Variants in DAB1 observed in about 807,000 individuals in gnomAD.
DAB1 encodes DAB adaptor protein 1, also known as disabled homolog 1.
In DAB1, 15 loss-of-function variants were observed where a neutral mutation model predicts 64.6. The observed-to-expected ratio is 0.23, with a 90% CI of 0.16 to 0.36. The LOEUF (loss-of-function observed/expected upper bound fraction) is 0.36. Among genes scored for constraint, DAB1 ranks in the 10% least tolerant of loss-of-function variants. The pLI, the probability that DAB1 is intolerant of heterozygous loss-of-function variation, is 1.00. For missense variants in DAB1, 596 were observed against 706.7 expected, an observed-to-expected ratio of 0.84 and a Z score of 1.78; for synonymous variants, 235 against 251.9, an observed-to-expected ratio of 0.93 and a Z score of 0.64.
chr1:57,579,962 A>G (rs970246183), intron 7 of DAB1, among the ~76,000 whole-genome samples: 1 of 152,100 alleles, frequency 6.6e-6, no homozygotes. Flanking sequence ...TCACAGAGAG[A>G]GTGAGAGGGG....
In DAB1 at chr1:57,519,036, G is replaced by A. The variant is rs76614753; in HGVS notation, n.625+130556C>T. Among the ~76,000 whole-genome samples the A allele has an allele frequency of 9.3e-3, 1,408 of 151,844 alleles. 10 individuals carry two copies. The highest frequency in any genetic ancestry group is 0.014 in the Non-Finnish European group (943 of 67,990). ...AGCCTTGATTTTCCACTATTTCTTC[G>A]GCGCATAGAAAAGAGCCTGCCTGTT... On this transcript the variant is annotated intron_variant and non_coding_transcript_variant, in intron 7 of 20. Coordinates refer to the DAB1 transcript ENST00000485760.
intron 1 of DAB1, among the ~76,000 whole-genome samples, chr1:57,354,389 G>A (rs1570353068): frequency 1.3e-5 from 2 of 152,096 alleles, no homozygotes; most frequent in Non-Finnish European, 2.9e-5. Context: ...TATGTGGGTT[G>A]ACTTTTCTTT....
chr1:58,064,722 T>A (rs1463855476), intron 5 of DAB1, among the ~76,000 whole-genome samples: 1 of 132,728 alleles, frequency 7.5e-6, no homozygotes, highest in Non-Finnish European at 1.6e-5. Flanking sequence ...TTTATGTATT[T>A]ATTTATTTAT....
chr1:58,033,033 C>A (rs1349558066), intron 5 of DAB1, among the ~76,000 whole-genome samples: 1 of 152,140 alleles, frequency 6.6e-6, no homozygotes, highest in East Asian at 1.9e-4. Flanking sequence ...GTGCCTGGTG[C>A]CTTTGTGTTG....
At chr1:57,565,725 C>T (rs2101519599) in intron 7 of DAB1, among the ~76,000 whole-genome samples, 1 of 152,312 alleles carries the variant, frequency 6.6e-6, no homozygotes, top group East Asian at 1.9e-4. Context: ...GAAGAGCGAA[C>T]TATCCTAAAT....
At chr1:57,492,728 ACT>A (rs1452095159) in intron 7 of DAB1, among the ~76,000 whole-genome samples, 1 of 152,064 alleles carries the variant, frequency 6.6e-6, no homozygotes, top group Non-Finnish European at 1.5e-5. Flanking sequence ...AGTCGCTTTA[ACT>A]CTCTGAGAGG....
At chr1:58,313,191 C>G (rs1198748719) in intron 4 of DAB1, among the ~76,000 whole-genome samples, 1 of 151,980 alleles carries the variant, frequency 6.6e-6, no homozygotes, top group Non-Finnish European at 1.5e-5. Context: ...GGACATAAGC[C>G]CTGGAGCTTC....
intron 4 of DAB1, among the ~76,000 whole-genome samples, chr1:57,134,862 A>C (rs959137101): frequency 6.6e-6 from 1 of 152,174 alleles, no homozygotes; most frequent in Non-Finnish European, 1.5e-5. Flanking sequence ...TAAAATGAGA[A>C]TAATAGTACC....
intron 5 of DAB1, among the ~76,000 whole-genome samples, chr1:57,984,194 A>AAGAG (rs1201169133): frequency 1.2e-5 from 1 of 80,690 alleles, no homozygotes; most frequent in Non-Finnish European, 3.0e-5. Flanking sequence ...AAAAGAAAGA[A>AAGAG]AGAAAGAAAG....
intron 6 of DAB1, among the ~76,000 whole-genome samples, chr1:57,661,236 G>A (rs188435193): frequency 1.3e-5 from 2 of 152,316 alleles, no homozygotes; most frequent in Admixed American, 6.5e-5. Context: ...GAGGCAGATT[G>A]TTACAGTGCA....
At chr1:57,906,568 G>A (rs139214306) in intron 5 of DAB1, among the ~76,000 whole-genome samples, 264 of 152,334 alleles carry the variant, frequency 1.7e-3, no homozygotes, top group African/African-American at 5.0e-3. Flanking sequence ...GTGTCAGGCA[G>A]AGGGGCACAG....
intron 2 of DAB1, among the ~76,000 whole-genome samples, chr1:57,281,253 G>A (rs973055263): frequency 6.6e-6 from 1 of 152,174 alleles, no homozygotes; most frequent in African/African-American, 2.4e-5. Flanking sequence ...AAAATGCAAA[G>A]TGGTTGAGAG....
At chr1:57,865,348 A>G (rs907248968) in intron 1 of DAB1, among the ~76,000 whole-genome samples, 2 of 152,236 alleles carry the variant, frequency 1.3e-5, no homozygotes, top group African/African-American at 4.8e-5. Flanking sequence ...TGAAGACCAC[A>G]ACTTTTTGGT....
At chr1:58,418,302 C>G (rs1291505012) in intron 3 of DAB1, among the ~76,000 whole-genome samples, 1 of 152,184 alleles carries the variant, frequency 6.6e-6, no homozygotes, top group African/African-American at 2.4e-5. Flanking sequence ...CCTGCATGAT[C>G]TCTCTTGTTA....
chr1:58,101,801 G>A (rs540365770), intron 5 of DAB1, among the ~76,000 whole-genome samples: 8 of 152,252 alleles, frequency 5.3e-5, no homozygotes, highest in Non-Finnish European at 1.2e-4. Context: ...CCAAACAGAA[G>A]AGTAAACACA....
chr1:57,329,186 G>C (rs1202470053), intron 1 of DAB1, among the ~76,000 whole-genome samples: 1 of 152,150 alleles, frequency 6.6e-6, no homozygotes, highest in Non-Finnish European at 1.5e-5. Context: ...CAAGGGATTT[G>C]GCTTAGCAGG....
At chr1:58,377,062 C>A (rs1644335042) in intron 3 of DAB1, among the ~76,000 whole-genome samples, 1 of 123,268 alleles carries the variant, frequency 8.1e-6, no homozygotes, top group African/African-American at 3.2e-5. Context: ...TTATTTTGAG[C>A]CTATGTGTGT....
At chr1:58,231,767 T>G (rs946968740) in intron 4 of DAB1, among the ~76,000 whole-genome samples, 13 of 152,342 alleles carry the variant, frequency 8.5e-5, no homozygotes, top group Non-Finnish European at 1.2e-4. Flanking sequence ...TCAGGGTTCT[T>G]GATTGGAACA....
rs11308788 is a variant in DAB1 at position 57,065,949 on chromosome 1, C to CT, written c.664-3007dup. ...GTCATTTATTTGTTCTATAAATAAT[C>CT]TTTTTTTTGTGTGTAAGTGAATAGA... On this transcript the variant is annotated intron_variant, in intron 8 of 14. Coordinates refer to ENST00000371236, the MANE Select transcript of DAB1 (RefSeq NM_001365792.1). Among the ~76,000 whole-genome samples, 17 of 152,040 alleles carry CT rather than the reference C, an allele frequency of 1.1e-4. 1 individual carries two copies. The highest frequency in any genetic ancestry group is 4.6e-4 in the Admixed American group (7 of 15,270).
Sources: allele counts gnomAD v4.1 joint callset (sites outside exome capture counted in the v4.1 genomes callset), GRCh38; gene constraint gnomAD v4.1.1; transcripts MANE v1.5; gene names NCBI Gene and HGNC (gene_info 2026-07-23, HGNC 2026-07-21).